The following IARS1 variants were observed in gnomAD, a reference collection of about 807,000 sequenced individuals.
IARS1 encodes isoleucine--tRNA ligase, cytoplasmic.
In IARS1, 124 loss-of-function variants were observed where a neutral mutation model predicts 168.2. The ratio of observed to expected loss-of-function variants is 0.74; its 90% confidence interval spans 0.64 to 0.86. IARS1 has a LOEUF of 0.86. IARS1 is among the 40% of genes least tolerant of loss of function. The probability of loss-of-function intolerance (pLI) is 0.00; values close to 1 mark genes in which losing one functional copy is unlikely to be tolerated. For missense variants in IARS1, 1,452 were observed against 1,515.8 expected (o/e 0.96, Z 0.70); for synonymous variants, 532 against 529.4 (o/e 1.00, Z -0.07).
chr9:92,285,702 T>C lies in IARS1; in HGVS notation c.597+20A>G, dbSNP rs771699671. ...ACCTACAAAACTCAATGCTGAATAA[T>C]GTCTCTACATTTCACGTACCTTATA... On this transcript the variant is annotated intron_variant, in intron 6 of 33. Coordinates refer to ENST00000443024, the MANE Select transcript of IARS1 (RefSeq NM_002161.6). 5 of 1,431,094 alleles carry C rather than the reference T, an allele frequency of 3.5e-6. No homozygotes were observed. Among genetic ancestry groups the C allele is most frequent in the Non-Finnish European group, 3.9e-6 (4 of 1,013,358 alleles). 88.6% of individuals were successfully genotyped at this position (1,431,094 alleles called of 1,614,324 possible). A position where few individuals can be genotyped will look rare whatever the true frequency, so the allele number is the denominator to read the frequency against.
At chr9:92,272,195 A>C (rs1356848289) in intron 10 of IARS1, among the ~76,000 whole-genome samples, 1 of 152,218 alleles carries the variant, frequency 6.6e-6, no homozygotes, top group Admixed American at 6.5e-5. Flanking sequence ...CTGTGTTATG[A>C]TGCCTAAATA....
intron 9 of IARS1, among the ~76,000 whole-genome samples, chr9:92,277,451 C>T (rs1833923874): frequency 6.6e-6 from 1 of 152,022 alleles, no homozygotes. Flanking sequence ...GGTGCAGTGG[C>T]TCATGCTTGC....
intron 2 of IARS1, among the ~76,000 whole-genome samples, chr9:92,288,539 T>A (rs190696246): frequency 3.2e-4 from 49 of 152,336 alleles, no homozygotes; most frequent in Non-Finnish European, 6.0e-4. Context: ...AAATTATTTA[T>A]CCTGATCTTG....
rs953453768 is a variant in IARS1 at position 92,210,683 on chromosome 9, C to T, written c.*124G>A. 2 of 640,192 alleles carry T rather than the reference C, an allele frequency of 3.1e-6. No homozygotes were observed. Among genetic ancestry groups the T allele is most frequent in the African/African-American group, 1.8e-5 (1 of 55,066 alleles). The allele number at this position is 640,192 out of a possible 1,614,324, so 39.7% of individuals were successfully genotyped here. A position where few individuals can be genotyped will look rare whatever the true frequency, so the allele number is the denominator to read the frequency against. On this transcript the variant is annotated 3_prime_UTR_variant, in exon 34 of 34. Transcript: ENST00000443024. ...CCCATTTGAATTTCAATCCAAGCAG[C>T]ATATTTTACACACACCTGAAGGAAA...
At chr9:92,222,703 C>A (rs1839844590) in intron 32 of IARS1, 31 bp from the exon 33 acceptor site, 1 of 1,611,504 alleles carries the variant, frequency 6.2e-7, no homozygotes, top group East Asian at 2.2e-5. Flanking sequence ...TGGATTAAAT[C>A]TCGAGAGTTC....
At chr9:92,239,956 A>T (rs530728069) in intron 30 of IARS1, among the ~76,000 whole-genome samples, 1 of 152,316 alleles carries the variant, frequency 6.6e-6, no homozygotes, top group Non-Finnish European at 1.5e-5. Flanking sequence ...TCAAGGGAGC[A>T]GAATTTTTGT....
intron 10 of IARS1, among the ~76,000 whole-genome samples, chr9:92,271,916 T>G (rs3824424): frequency 2.0e-5 from 3 of 152,070 alleles, no homozygotes; most frequent in African/African-American, 7.2e-5. Flanking sequence ...AATGAGAAGA[T>G]AGATGACATA....
At position 92,289,344 on chromosome 9, in the gene IARS1, T is replaced by A. The variant is rs1835952447; in HGVS notation, c.76A>T (p.Asn26Tyr). The change falls in exon 2 of 34, where the codon AAT (asparagine) becomes TAT (tyrosine). Residue 26 changes from asparagine to tyrosine, a missense_variant. Coordinates refer to ENST00000443024, the MANE Select transcript of IARS1 (RefSeq NM_002161.6). ...EKILEFWTEF[N>Y]CFQECLKQSK... Reference sequence around the variant, plus strand: ...TGCTTTAAGCATTCCTGAAAACAATTAAATTCAGTCCAAAACTCCAAGATT... The same window carrying A: ...TGCTTTAAGCATTCCTGAAAACAATAAAATTCAGTCCAAAACTCCAAGATT... 6.3e-7 allele frequency: 1 copy of A among 1,587,966 alleles called. No individual in the cohort carries two copies. Among genetic ancestry groups the A allele is most frequent in the Non-Finnish European group, 8.6e-7 (1 of 1,158,398 alleles).
chr9:92,222,432 A>G (rs1312674178), intron 33 of IARS1, 88 bp downstream of exon 33: 4 of 971,850 alleles, frequency 4.1e-6, no homozygotes, highest in Non-Finnish European at 6.4e-6. Flanking sequence ...CAATAGTACT[A>G]TCTTACATGT....
intron 2 of IARS1, among the ~76,000 whole-genome samples, 184 bp downstream of exon 2, chr9:92,289,117 G>A (rs1198901493): frequency 6.9e-6 from 1 of 144,660 alleles, no homozygotes; most frequent in African/African-American, 2.6e-5. Flanking sequence ...TGAGGCAGGA[G>A]AATCACTTGC....
chr9:92,232,043 G>C (rs906348924), intron 30 of IARS1, among the ~76,000 whole-genome samples: 1 of 152,010 alleles, frequency 6.6e-6, no homozygotes, highest in African/African-American at 2.4e-5. Context: ...ATTACTTCAC[G>C]TTTTTCGAGT....
chr9:92,245,913 C>T (rs1451908344), intron 26 of IARS1, among the ~76,000 whole-genome samples: 3 of 152,010 alleles, frequency 2.0e-5, no homozygotes, highest in Non-Finnish European at 4.4e-5. Context: ...ACTACAGGCG[C>T]CTGCCACCAC....
At chr9:92,255,676 T>C (rs1830615463) in intron 20 of IARS1, among the ~76,000 whole-genome samples, 1 of 152,188 alleles carries the variant, frequency 6.6e-6, no homozygotes, top group Non-Finnish European at 1.5e-5. Context: ...TAATAACAAG[T>C]ATTATTTATT....
chr9:92,242,953 G>A, intron 28 of IARS1: 3 of 386,890 alleles, frequency 7.8e-6, no homozygotes, highest in East Asian at 5.9e-5. Context: ...CAGTCACAGG[G>A]GATATTCTGT....
chr9:92,259,126 C>T (rs1564175630), intron 18 of IARS1, 128 bp from the exon 19 acceptor site: 12 of 782,996 alleles, frequency 1.5e-5, no homozygotes, highest in Non-Finnish European at 2.2e-5. Flanking sequence ...ATTATGAATA[C>T]TCTTTGAGTG....
chr9:92,248,301 C>G (rs1244455506), intron 25 of IARS1, among the ~76,000 whole-genome samples: 1 of 152,142 alleles, frequency 6.6e-6, no homozygotes, highest in Non-Finnish European at 1.5e-5. Context: ...CAGCTTGAAG[C>G]AAATAATACG....
intron 7 of IARS1, among the ~76,000 whole-genome samples, chr9:92,279,360 G>A (rs1206161286): frequency 2.0e-5 from 3 of 152,148 alleles, no homozygotes; most frequent in Non-Finnish European, 4.4e-5. Flanking sequence ...TCAGGTGGCT[G>A]CTGAGATTGT....
intron 7 of IARS1, among the ~76,000 whole-genome samples, chr9:92,279,320 G>C (rs1032943824): frequency 6.6e-6 from 1 of 152,184 alleles, no homozygotes; most frequent in Non-Finnish European, 1.5e-5. Flanking sequence ...TTATACACAG[G>C]TAGATGGGTG....
rs1837579688 is a variant in IARS1 at position 92,210,529 on chromosome 9, A to C, written c.*278T>G. The C allele has an allele frequency of 3.4e-6, 1 of 293,488 alleles. No homozygotes were observed. The highest frequency in any genetic ancestry group is 4.6e-5 in the Admixed American group (1 of 21,528). The allele number at this position is 293,488 out of a possible 1,614,324, so 18.2% of individuals were successfully genotyped here. A position where few individuals can be genotyped will look rare whatever the true frequency, so the allele number is the denominator to read the frequency against. On this transcript the variant is annotated 3_prime_UTR_variant, in exon 34 of 34. Coordinates refer to ENST00000443024, the MANE Select transcript of IARS1 (RefSeq NM_002161.6). ...TAAATCACTTCTATCTTCTGTACTTAAGAACTCAAGTATAGAAATAAACTG... is the reference window on the plus strand; with the variant it reads ...TAAATCACTTCTATCTTCTGTACTTCAGAACTCAAGTATAGAAATAAACTG...
Sources: gnomAD v4.1 joint callset for allele counts (sites outside exome capture counted in the v4.1 genomes callset) on GRCh38, gnomAD v4.1.1 for gene constraint, MANE v1.5 for transcripts, NCBI Gene and HGNC (gene_info 2026-07-23, HGNC 2026-07-21) for gene names.